SPIN1: variants seen among roughly 807,000 people sequenced by gnomAD.
SPIN1 encodes spindlin-1.
A neutral mutation model predicts 26.0 loss-of-function variants in SPIN1; 3 were observed. The observed-to-expected ratio is 0.12, with a 90% CI of 0.05 to 0.30. SPIN1 has a LOEUF of 0.30. Among genes scored for constraint, SPIN1 ranks in the 10% least tolerant of loss-of-function variants. SPIN1 has a pLI of 1.00. For synonymous variants in SPIN1, 101 were observed against 116.5 expected (o/e 0.87, Z 0.86); for missense variants, 126 against 333.4 (o/e 0.38, Z 4.84).
At chr9:88,452,538 C>T (rs1828374532) in intron 3 of SPIN1, among the ~76,000 whole-genome samples, 1 of 152,140 alleles carries the variant, frequency 6.6e-6, no homozygotes, top group South Asian at 2.1e-4. Flanking sequence ...GTCATTCATG[C>T]CAGCAATGAG....
chr9:88,403,103 G>A (rs1289155910), intron 1 of SPIN1, among the ~76,000 whole-genome samples: 1 of 151,990 alleles, frequency 6.6e-6, no homozygotes, highest in African/African-American at 2.4e-5. Flanking sequence ...GTTTTTTGAT[G>A]TCCTTTGCCC....
intron 1 of SPIN1, among the ~76,000 whole-genome samples, chr9:88,406,292 A>ATTTTTT (rs34100420): frequency 7.4e-6 from 1 of 135,428 alleles, no homozygotes; most frequent in Non-Finnish European, 1.6e-5. Context: ...ATATACTAGA[A>ATTTTTT]TTTTTTTTTT....
chr9:88,403,773 T>G (rs561591359), intron 1 of SPIN1, among the ~76,000 whole-genome samples: 2 of 152,282 alleles, frequency 1.3e-5, no homozygotes, highest in South Asian at 2.1e-4. Context: ...GCCAGTATTA[T>G]TAGAGGTAAA....
intron 1 of SPIN1, among the ~76,000 whole-genome samples, chr9:88,394,667 A>G (rs146318899): frequency 6.6e-6 from 1 of 152,308 alleles, no homozygotes; most frequent in East Asian, 1.9e-4. Flanking sequence ...ATATATCCAC[A>G]TAAGCATGTA....
chr9:88,439,311 AATG>A lies in SPIN1; in HGVS notation c.53-9621_53-9619del, dbSNP rs1254603062. On this transcript the variant is annotated intron_variant, in intron 2 of 5. Coordinates refer to ENST00000375859, the MANE Select transcript of SPIN1 (RefSeq NM_006717.3). ...GGTAGCATATAAATTCAGTGTCAGG[AATG>A]ATGATGATAACAAACACAGATTGTC... Among the ~76,000 whole-genome samples, 10 of 152,314 alleles carry A rather than the reference AATG, an allele frequency of 6.6e-5. No homozygotes were observed. In the East Asian group the frequency reaches 1.5e-3, roughly 24 times the overall value.
At chr9:88,398,419 C>T (rs1486488644) in intron 1 of SPIN1, among the ~76,000 whole-genome samples, 1 of 152,028 alleles carries the variant, frequency 6.6e-6, no homozygotes, top group Non-Finnish European at 1.5e-5. Context: ...AATTACTTTT[C>T]TGGTATCTAG....
At chr9:88,443,906 A>G (rs190249345) in intron 2 of SPIN1, among the ~76,000 whole-genome samples, 11 of 149,906 alleles carry the variant, frequency 7.3e-5, no homozygotes, top group Admixed American at 5.3e-4. Flanking sequence ...AGAGCCCCCA[A>G]CCCCTGGAGT....
At position 88,393,132 on chromosome 9, in the gene SPIN1, C is replaced by CTTTT. The variant is rs79661252; in HGVS notation, c.-159+4607_-159+4610dup. 9.0e-4 allele frequency among the ~76,000 whole-genome samples: 112 copies of CTTTT among 124,866 alleles called. 2 individuals carry two copies. Among genetic ancestry groups the CTTTT allele is most frequent in the South Asian group, 2.1e-3 (8 of 3,858 alleles). The allele number at this position is 124,866 out of a possible 152,430, so 81.9% of individuals were successfully genotyped here. A position where few individuals can be genotyped will look rare whatever the true frequency, so the allele number is the denominator to read the frequency against. On this transcript the variant is annotated intron_variant, in intron 1 of 5. Coordinates refer to ENST00000375859, the MANE Select transcript of SPIN1 (RefSeq NM_006717.3). ...AATATTTAATGTTATGTTAAATGTG[C>CTTTT]TTTTTTTTTTTTTTTTCCTGAAGGG... is the stretch of plus-strand genomic sequence containing the variant.
intron 1 of SPIN1, among the ~76,000 whole-genome samples, chr9:88,414,557 G>A (rs991243956): frequency 5.3e-4 from 80 of 152,226 alleles, no homozygotes; most frequent in African/African-American, 1.9e-3. Context: ...GCTGACCTGA[G>A]CTGTGCCTGA....
chr9:88,454,534 A>C (rs1587809354), intron 3 of SPIN1, among the ~76,000 whole-genome samples: 1 of 152,210 alleles, frequency 6.6e-6, no homozygotes, highest in East Asian at 1.9e-4. Flanking sequence ...ATAGGTGATT[A>C]GAAATTAAAA....
intron 2 of SPIN1, among the ~76,000 whole-genome samples, chr9:88,433,092 T>C (rs1015974358): frequency 3.3e-5 from 5 of 152,014 alleles, no homozygotes; most frequent in Non-Finnish European, 7.4e-5. Flanking sequence ...ACTTTTTGTT[T>C]GTTTTGAGAT....
At chr9:88,439,944 T>C (rs1303710914) in intron 2 of SPIN1, among the ~76,000 whole-genome samples, 1 of 152,186 alleles carries the variant, frequency 6.6e-6, no homozygotes, top group African/African-American at 2.4e-5. Context: ...CTGTCTTAAT[T>C]GGTATATTTA....
chr9:88,428,195 T>G (rs1333410229), intron 2 of SPIN1, among the ~76,000 whole-genome samples: 2 of 152,320 alleles, frequency 1.3e-5, no homozygotes, highest in South Asian at 4.1e-4. Flanking sequence ...TCTATTTTTA[T>G]TTTAGATTCA....
At chr9:88,443,283 G>A (rs1828178639) in intron 2 of SPIN1, among the ~76,000 whole-genome samples, 1 of 151,906 alleles carries the variant, frequency 6.6e-6, no homozygotes, top group Admixed American at 6.6e-5. Context: ...TTTCAGTTTT[G>A]GAAGTTTTAT....
intron 5 of SPIN1, among the ~76,000 whole-genome samples, chr9:88,471,742 T>TTGTATGTC (rs1287272984): frequency 6.6e-6 from 1 of 151,812 alleles, no homozygotes; most frequent in African/African-American, 2.4e-5. Flanking sequence ...TTGCATTAGT[T>TTGTATGTC]TGTATGTCTG....
rs1238119915 is a variant in SPIN1, at chr9:88,477,687, G to A, written c.*2410G>A. ...TGTGTCAGATCTGCATGCATTGCTT[G>A]CATTTTTCTGGTATCTGAATGTTGG... On this transcript the variant is annotated 3_prime_UTR_variant, in exon 6 of 6. Coordinates refer to ENST00000375859, the MANE Select transcript of SPIN1 (RefSeq NM_006717.3). 2 of 152,524 alleles carry A rather than the reference G, an allele frequency of 1.3e-5. No individual in the cohort carries two copies. Among genetic ancestry groups the A allele is most frequent in the African/African-American group, 4.8e-5 (2 of 41,420 alleles). The allele number at this position is 152,524 out of a possible 1,614,324, so 9.4% of individuals were successfully genotyped here.
intron 1 of SPIN1, among the ~76,000 whole-genome samples, chr9:88,397,642 T>C (rs561960957): frequency 1.3e-4 from 19 of 150,346 alleles, no homozygotes; most frequent in South Asian, 1.0e-3. Context: ...TTTTTTTTTT[T>C]CCCCAGTCTT....
intron 1 of SPIN1, among the ~76,000 whole-genome samples, chr9:88,403,449 CTG>C (rs1416413460): frequency 1.3e-5 from 2 of 152,176 alleles, no homozygotes; most frequent in Admixed American, 6.5e-5. Flanking sequence ...TTTAAAATCA[CTG>C]TAATCCCAGC....
intron 3 of SPIN1, among the ~76,000 whole-genome samples, chr9:88,459,243 G>A (rs1040292407): frequency 6.6e-5 from 10 of 152,102 alleles, no homozygotes; most frequent in African/African-American, 2.2e-4. Flanking sequence ...AAGAAGATAC[G>A]TAACTGGTTG....
Sources: allele counts gnomAD v4.1 joint callset (sites outside exome capture counted in the v4.1 genomes callset), GRCh38; gene constraint gnomAD v4.1.1; transcripts MANE v1.5; gene names NCBI Gene and HGNC (gene_info 2026-07-23, HGNC 2026-07-21).